The following ME2 variants were observed in gnomAD, a reference collection of about 807,000 sequenced individuals.
The protein encoded by ME2 is malic enzyme 2.
A neutral mutation model predicts 73.7 loss-of-function variants in ME2; 60 were observed. The ratio of observed to expected loss-of-function variants is 0.81; its 90% confidence interval spans 0.66 to 1.01. The LOEUF is 1.01. Ranked by LOEUF, ME2 falls within the 50% of genes least tolerant of loss-of-function variation. ME2 has a pLI of 0.00. For synonymous variants in ME2, 199 were observed against 236.9 expected (o/e 0.84, Z 1.47); for missense variants, 594 against 705.5 (o/e 0.84, Z 1.79).
Position 50,897,092 on chromosome 18 carries a change from T to A in ME2, c.108+1164T>A, listed in dbSNP as rs76572936. On this transcript the variant is annotated intron_variant, in intron 2 of 15. Coordinates refer to ENST00000321341, the MANE Select transcript of ME2 (RefSeq NM_002396.5). The stretch of plus-strand genomic sequence containing the variant: ...CCCCATAGCAGTTTCTTCCTGTTCC[T>A]GTGGCAAGTAATCAATAGGTGTTGC... Among the ~76,000 whole-genome samples the A allele has an allele frequency of 3.8e-3, 579 of 152,342 alleles. 2 individuals are homozygous for A. The highest frequency in any genetic ancestry group is 0.013 in the African/African-American group (559 of 41,572).
intron 1 of ME2, among the ~76,000 whole-genome samples, chr18:50,892,361 G>A (rs1021203032): frequency 7.9e-5 from 12 of 152,138 alleles, no homozygotes; most frequent in African/African-American, 2.7e-4. Context: ...AGCTCAGAAT[G>A]AGATCTTGTC....
At chr18:50,882,353 G>A (rs965652223) in intron 1 of ME2, among the ~76,000 whole-genome samples, 7 of 152,100 alleles carry the variant, frequency 4.6e-5, no homozygotes, top group Admixed American at 1.3e-4. Context: ...AGACTATTTC[G>A]TATGGGTTTT....
At chr18:50,914,350 C>T (rs1917235593) in intron 4 of ME2, among the ~76,000 whole-genome samples, 1 of 152,166 alleles carries the variant, frequency 6.6e-6, no homozygotes, top group East Asian at 1.9e-4. Context: ...CTTAGAAATA[C>T]TGATGCCTGA....
At position 50,948,668 on chromosome 18, in the gene ME2, C is replaced by G. The variant is rs1918147979; in HGVS notation, c.*1484C>G. 6.6e-6 allele frequency: 1 copy of G among 151,642 alleles called. No individual in the cohort carries two copies. The allele number at this position is 151,642 out of a possible 1,614,324, so 9.4% of individuals were successfully genotyped here. ...AAGCAGTTCTCCTGCCTCAGCCTCCCAAGTAGCTGGGACTACAGGTACACG... is the reference window on the plus strand; with the variant it reads ...AAGCAGTTCTCCTGCCTCAGCCTCCGAAGTAGCTGGGACTACAGGTACACG... On this transcript the variant is annotated 3_prime_UTR_variant, in exon 16 of 16. Transcript: ENST00000321341.
chr18:50,910,308 G>A (rs1404220642), intron 3 of ME2, among the ~76,000 whole-genome samples: 6 of 144,136 alleles, frequency 4.2e-5, no homozygotes, highest in African/African-American at 1.0e-4. Context: ...GCATGGTGTC[G>A]CATACCTATA....
At chr18:50,919,433 T>C (rs685533) in intron 7 of ME2, among the ~76,000 whole-genome samples, 103,810 of 151,962 alleles carry the variant, frequency 0.68, 35,880 homozygotes, top group African/African-American at 0.79. Flanking sequence ...TTACATCTTC[T>C]CAGAAATTGC....
At chr18:50,915,546 G>C (rs573509708) in intron 4 of ME2, 1 of 152,248 alleles carries the variant, frequency 6.6e-6, no homozygotes, top group East Asian at 1.9e-4. Flanking sequence ...TACTGGTAAG[G>C]CTTCTGGTCA....
intron 1 of ME2, among the ~76,000 whole-genome samples, chr18:50,879,513 C>T (rs1348356273): frequency 6.6e-6 from 1 of 152,198 alleles, no homozygotes; most frequent in Admixed American, 6.5e-5. Flanking sequence ...CCGGCTACAT[C>T]GCGGCGACCC....
At chr18:50,936,925 T>G (rs1917832516) in intron 13 of ME2, among the ~76,000 whole-genome samples, 3 of 152,012 alleles carry the variant, frequency 2.0e-5, no homozygotes, top group African/African-American at 7.2e-5. Context: ...AGCGAGACCC[T>G]GTCTCAAAAA....
At chr18:50,899,253 A>G (rs1916829594) in intron 2 of ME2, among the ~76,000 whole-genome samples, 1 of 152,182 alleles carries the variant, frequency 6.6e-6, no homozygotes, top group Non-Finnish European at 1.5e-5. Flanking sequence ...TAGAGTCAAC[A>G]AGATAAAAAC....
chr18:50,899,370 T>C (rs540299397), intron 2 of ME2, among the ~76,000 whole-genome samples: 1 of 152,314 alleles, frequency 6.6e-6, no homozygotes, highest in South Asian at 2.1e-4. Flanking sequence ...CCCAGCACTT[T>C]GGGAGGCTGA....
intron 1 of ME2, among the ~76,000 whole-genome samples, chr18:50,891,781 A>G (rs535397982): frequency 6.6e-6 from 1 of 151,776 alleles, no homozygotes; most frequent in South Asian, 2.1e-4. Context: ...TTACTCCATG[A>G]CACCAGGACG....
intron 2 of ME2, among the ~76,000 whole-genome samples, chr18:50,906,257 C>G (rs1318756062): frequency 6.6e-6 from 1 of 152,068 alleles, no homozygotes; most frequent in African/African-American, 2.4e-5. Context: ...TCAAATACTC[C>G]TCCCAGGGTT....
intron 15 of ME2, among the ~76,000 whole-genome samples, chr18:50,946,110 TTAAATAAA>T (rs10636386): frequency 1.7e-4 from 26 of 149,042 alleles, no homozygotes; most frequent in African/African-American, 2.7e-4. Context: ...AGGCTCCATC[TTAAATAAA>T]TAAATAAATA....
intron 15 of ME2, among the ~76,000 whole-genome samples, chr18:50,940,825 C>A (rs959505025): frequency 1.6e-4 from 24 of 152,242 alleles, no homozygotes; most frequent in African/African-American, 5.3e-4. Flanking sequence ...TATTGTAAGT[C>A]TTTTCCATGT....
chr18:50,917,568 AT>A, intron 6 of ME2, 60 bp downstream of exon 6: 1 of 1,222,878 alleles, frequency 8.2e-7, no homozygotes, highest in African/African-American at 1.5e-5. Context: ...TGTGTACAAT[AT>A]TCCTTTTTTG....
rs1918100099 is a variant in ME2, at chr18:50,947,051, T to A, written c.1622T>A (p.Phe541Tyr). Residue 541 changes from phenylalanine (F) to tyrosine (Y), a missense_variant, in exon 16 of 16, where the codon TTC becomes TAC. Transcript: ENST00000321341. ...TACCTATATGCTAATAAAATGGCTT[T>A]CCGATACCCAGAACCTGAAGACAAG... Reference protein sequence around the residue: ...TEYLYANKMAFRYPEPEDKAK... With the variant: ...TEYLYANKMAYRYPEPEDKAK... The A allele has an allele frequency of 1.2e-6, 2 of 1,613,744 alleles. No individual in the cohort carries two copies. The highest frequency in any genetic ancestry group is 2.7e-5 in the African/African-American group (2 of 74,914).
At chr18:50,884,623 G>A (rs551402051) in intron 1 of ME2, among the ~76,000 whole-genome samples, 2 of 152,320 alleles carry the variant, frequency 1.3e-5, no homozygotes, top group Admixed American at 6.5e-5. Context: ...TGGGATTACA[G>A]GCGTGAGCCA....
At chr18:50,900,569 A>G (rs1035092840) in intron 2 of ME2, among the ~76,000 whole-genome samples, 5 of 152,294 alleles carry the variant, frequency 3.3e-5, no homozygotes, top group African/African-American at 9.6e-5. Flanking sequence ...GGCGTGAGCC[A>G]CTACGCCCAG....
Sources: allele counts gnomAD v4.1 joint callset (sites outside exome capture counted in the v4.1 genomes callset), GRCh38; gene constraint gnomAD v4.1.1; transcripts MANE v1.5; gene names NCBI Gene and HGNC (gene_info 2026-07-23, HGNC 2026-07-21).